PPARGC1A: variants seen among roughly 807,000 people sequenced by gnomAD.
PPARGC1A encodes the protein peroxisome proliferator-activated receptor gamma coactivator 1-alpha.
PPARGC1A carries 25 observed loss-of-function variants against 88.7 expected under a neutral mutation model. The observed-to-expected ratio is 0.28, with a 90% CI of 0.21 to 0.39. The LOEUF is 0.39. Among genes scored for constraint, PPARGC1A ranks in the 10% least tolerant of loss-of-function variants. The pLI, the probability that PPARGC1A is intolerant of heterozygous loss-of-function variation, is 1.00. For missense variants in PPARGC1A, 880 were observed against 968.7 expected (o/e 0.91, Z 1.22); for synonymous variants, 363 against 355.6 (o/e 1.02, Z -0.24).
the PPARGC1A span, among the ~76,000 whole-genome samples, chr4:24,097,522 G>A: frequency 6.8e-3 from 1,032 of 151,892 alleles, 11 homozygotes; most frequent in African/African-American, 0.024. Context: ...TTCTGTTTTT[G>A]GTTTTTAGGT....
At chr4:24,424,991 C>T in the PPARGC1A span, among the ~76,000 whole-genome samples, 2 of 152,260 alleles carry the variant, frequency 1.3e-5, no homozygotes, top group South Asian at 4.1e-4. Flanking sequence ...TGAGAGCAAG[C>T]AAATAATCTG....
At chr4:23,944,334 G>A in the PPARGC1A span, among the ~76,000 whole-genome samples, 1 of 152,152 alleles carries the variant, frequency 6.6e-6, no homozygotes, top group African/African-American at 2.4e-5. Flanking sequence ...TAGGGTAGGT[G>A]CTACTCTGTC....
the PPARGC1A span, among the ~76,000 whole-genome samples, chr4:24,214,330 G>A: frequency 6.6e-6 from 1 of 152,206 alleles, no homozygotes; most frequent in Non-Finnish European, 1.5e-5. Context: ...GGAAACAACA[G>A]CAGTATTGCA....
chr4:24,411,522 C>T, the PPARGC1A span, among the ~76,000 whole-genome samples: 1 of 152,180 alleles, frequency 6.6e-6, no homozygotes, highest in Admixed American at 6.5e-5. Context: ...ATTGACACAT[C>T]ATCACCCAAA....
chr4:23,926,350 C>T, the PPARGC1A span, among the ~76,000 whole-genome samples: 2 of 152,130 alleles, frequency 1.3e-5, no homozygotes, highest in Admixed American at 6.5e-5. Flanking sequence ...AAGAAGTAAC[C>T]CAATCCACCC....
the PPARGC1A span, among the ~76,000 whole-genome samples, chr4:24,269,993 A>T: frequency 2.0e-5 from 3 of 152,204 alleles, no homozygotes; most frequent in Non-Finnish European, 1.5e-5. Context: ...GTTAAATATT[A>T]TTCTGGGTGT....
At chr4:24,005,905 C>G in the PPARGC1A span, among the ~76,000 whole-genome samples, 1 of 152,032 alleles carries the variant, frequency 6.6e-6, no homozygotes, top group South Asian at 2.1e-4. Context: ...AGATTCTTGG[C>G]GACATGTAAT....
chr4:24,123,119 T>A, the PPARGC1A span, among the ~76,000 whole-genome samples: 1 of 152,050 alleles, frequency 6.6e-6, no homozygotes, highest in African/African-American at 2.4e-5. Context: ...CCCAACCCAA[T>A]TGCTCCAGAG....
At chr4:24,200,813 A>G in the PPARGC1A span, among the ~76,000 whole-genome samples, 1 of 152,182 alleles carries the variant, frequency 6.6e-6, no homozygotes, top group Non-Finnish European at 1.5e-5. Context: ...AAATGGCCCA[A>G]GGAATTTCCC....
At chr4:23,849,379 T>C (rs577218428) in intron 2 of PPARGC1A, among the ~76,000 whole-genome samples, 14 of 152,334 alleles carry the variant, frequency 9.2e-5, no homozygotes, top group Non-Finnish European at 1.8e-4. Flanking sequence ...AGATGAGCCA[T>C]ATCACAATCT....
At chr4:24,242,847 A>C in the PPARGC1A span, among the ~76,000 whole-genome samples, 3 of 152,062 alleles carry the variant, frequency 2.0e-5, no homozygotes, top group Non-Finnish European at 2.9e-5. Flanking sequence ...CCAGCCCCTC[A>C]CCATCCCTCC....
chr4:23,977,771 A>C, the PPARGC1A span, among the ~76,000 whole-genome samples: 2 of 152,210 alleles, frequency 1.3e-5, no homozygotes, highest in Non-Finnish European at 2.9e-5. Context: ...TTTTACTCTC[A>C]GTCAGCTTTG....
At chr4:24,047,540 T>A in the PPARGC1A span, among the ~76,000 whole-genome samples, 1 of 152,182 alleles carries the variant, frequency 6.6e-6, no homozygotes, top group Non-Finnish European at 1.5e-5. Context: ...TAAAGGAAAC[T>A]AAGGCTTAGA....
chr4:23,920,312 C>T, the PPARGC1A span, among the ~76,000 whole-genome samples: 2 of 152,324 alleles, frequency 1.3e-5, no homozygotes, highest in Admixed American at 1.3e-4. Context: ...ACTACCAGGT[C>T]TTTTCCCTGA....
chr4:23,984,466 T>C, the PPARGC1A span, among the ~76,000 whole-genome samples: 1 of 152,142 alleles, frequency 6.6e-6, no homozygotes, highest in Non-Finnish European at 1.5e-5. Context: ...TACCAAGGTT[T>C]CCGTATCATG....
intron 7 of PPARGC1A, among the ~76,000 whole-genome samples, chr4:23,815,315 A>G (rs1721774666): frequency 6.6e-6 from 1 of 152,166 alleles, no homozygotes; most frequent in African/African-American, 2.4e-5. Context: ...TAATGTAGGT[A>G]TAATACATTC....
the PPARGC1A span, among the ~76,000 whole-genome samples, chr4:24,147,248 A>G: frequency 6.6e-6 from 1 of 152,212 alleles, no homozygotes; most frequent in Admixed American, 6.5e-5. Context: ...AAATTGTCAC[A>G]TAGGCCCTTG....
upstream of PPARGC1A, among the ~76,000 whole-genome samples, chr4:23,903,661 T>C (rs1254475134): frequency 6.6e-6 from 1 of 152,128 alleles, no homozygotes; most frequent in Non-Finnish European, 1.5e-5. Flanking sequence ...AGCAGTGGAT[T>C]ACACAACTCT....
the PPARGC1A span, among the ~76,000 whole-genome samples, chr4:24,028,837 T>C: frequency 6.6e-6 from 1 of 152,220 alleles, no homozygotes; most frequent in Non-Finnish European, 1.5e-5. Flanking sequence ...CTGAGAAAGT[T>C]ATTTTTATGT....
Sources: gnomAD v4.1 joint callset for allele counts (sites outside exome capture counted in the v4.1 genomes callset) on GRCh38, gnomAD v4.1.1 for gene constraint, MANE v1.5 for transcripts, NCBI Gene and HGNC (gene_info 2026-07-23, HGNC 2026-07-21) for gene names.